Variants in AMBRA1 observed in about 807,000 individuals in gnomAD.
AMBRA1 encodes the protein autophagy and beclin 1 regulator 1, also known as activating molecule in BECN1-regulated autophagy protein 1.
Under a neutral mutation model 125.4 loss-of-function variants are expected in AMBRA1, and 47 were observed. The observed-to-expected ratio is 0.37, with a 90% CI of 0.30 to 0.48. The LOEUF is 0.48. AMBRA1 is among the 20% of genes least tolerant of loss of function. AMBRA1 has a pLI of 0.99. For missense variants in AMBRA1, 1,331 were observed against 1,693.4 expected (o/e 0.79, Z 3.76); for synonymous variants, 626 against 655.5 (o/e 0.95, Z 0.69).
At chr11:46,580,442 A>C (rs2044130366) in intron 1 of AMBRA1, among the ~76,000 whole-genome samples, 1 of 152,166 alleles carries the variant, frequency 6.6e-6, no homozygotes, top group African/African-American at 2.4e-5. Flanking sequence ...AATTAGCATG[A>C]CTAAAACTGA....
intron 1 of AMBRA1, among the ~76,000 whole-genome samples, chr11:46,581,797 CAAAAAA>C (rs1162857231): frequency 5.9e-4 from 41 of 69,958 alleles, no homozygotes; most frequent in African/African-American, 1.8e-3. Flanking sequence ...AAAACTCCAT[CAAAAAA>C]AAAAAAAAAA....
chr11:46,399,222 C>T (rs541721653), intron 17 of AMBRA1, among the ~76,000 whole-genome samples: 2 of 152,048 alleles, frequency 1.3e-5, no homozygotes, highest in East Asian at 3.9e-4. Flanking sequence ...TACAGGTGCC[C>T]GCCACCACAC....
intron 14 of AMBRA1, among the ~76,000 whole-genome samples, chr11:46,425,307 CATTTGTGTGT>C (rs1487734184): frequency 3.1e-4 from 35 of 111,630 alleles, no homozygotes; most frequent in African/African-American, 1.1e-3. Flanking sequence ...TTGCTTGATC[CATTTGTGTGT>C]GTGTGTGTGT....
chr11:46,422,541 G>C (rs992299687), intron 14 of AMBRA1, among the ~76,000 whole-genome samples: 18 of 152,072 alleles, frequency 1.2e-4, no homozygotes, highest in Non-Finnish European at 2.5e-4. Flanking sequence ...AAAACTAAAA[G>C]TGTCTTGTTT....
At chr11:46,555,126 C>CCA (rs2043125990) in intron 1 of AMBRA1, among the ~76,000 whole-genome samples, 1 of 152,092 alleles carries the variant, frequency 6.6e-6, no homozygotes, top group Non-Finnish European at 1.5e-5. Context: ...CATCCCATTT[C>CCA]CACACACACA....
At chr11:46,432,694 CCA>C (rs914949914) in intron 14 of AMBRA1, among the ~76,000 whole-genome samples, 16 of 152,152 alleles carry the variant, frequency 1.1e-4, no homozygotes, top group Admixed American at 1.0e-3. Context: ...AAAAAATGGA[CCA>C]ACAAGTACAT....
At chr11:46,540,034 G>C (rs927954035) in intron 7 of AMBRA1, among the ~76,000 whole-genome samples, 2 of 152,150 alleles carry the variant, frequency 1.3e-5, no homozygotes, top group Admixed American at 6.5e-5. Context: ...GATTTACCAT[G>C]TTGGCCAGGC....
At chr11:46,545,973 T>C in intron 4 of AMBRA1, 197 bp from the exon 5 acceptor site, 1 of 554,152 alleles carries the variant, frequency 1.8e-6, no homozygotes, top group Non-Finnish European at 3.2e-6. Context: ...TACAATCAGT[T>C]CAGTTCTTCA....
chr11:46,522,054 G>A lies in AMBRA1; in HGVS notation c.2073-9241C>T, dbSNP rs993361473. 2.0e-5 allele frequency among the ~76,000 whole-genome samples: 3 copies of A among 152,058 alleles called. No individual in the cohort carries two copies. The South Asian group carries it at 6.2e-4, about 32-fold the overall frequency. On this transcript the variant is annotated intron_variant, in intron 7 of 17. Coordinates refer to ENST00000683756, the MANE Select transcript of AMBRA1 (RefSeq NM_001387011.1). ...GAGCGATAGATGGCAAAACATGAGA[G>A]CACAACATAATCGCAGACAGCAAAA...
intron 11 of AMBRA1, among the ~76,000 whole-genome samples, chr11:46,459,552 A>G (rs1237676222): frequency 6.6e-6 from 1 of 152,100 alleles, no homozygotes; most frequent in Non-Finnish European, 1.5e-5. Context: ...CTCTACTAAA[A>G]ATACAAAAAG....
chr11:46,418,446 A>G (rs1305981051), intron 14 of AMBRA1, among the ~76,000 whole-genome samples: 2 of 150,332 alleles, frequency 1.3e-5, no homozygotes, highest in Non-Finnish European at 3.0e-5. Flanking sequence ...ACATGTGCAC[A>G]ACGTGCAGGT....
chr11:46,403,923 C>T (rs1204861525), intron 17 of AMBRA1, among the ~76,000 whole-genome samples: 1 of 152,022 alleles, frequency 6.6e-6, no homozygotes, highest in East Asian at 1.9e-4. Flanking sequence ...TGTGTGGCTG[C>T]ATGTGGCGGC....
intron 11 of AMBRA1, among the ~76,000 whole-genome samples, chr11:46,484,927 G>A (rs1445934686): frequency 8.7e-5 from 13 of 149,764 alleles, no homozygotes; most frequent in Middle Eastern, 7.2e-3. Context: ...TTACAGGTGT[G>A]AGCCACTGTG....
chr11:46,524,081 T>G (rs2135104364), intron 7 of AMBRA1, among the ~76,000 whole-genome samples: 1 of 152,322 alleles, frequency 6.6e-6, no homozygotes, highest in South Asian at 2.1e-4. Context: ...CTGGCCAGGC[T>G]GGTCTCGAAC....
chr11:46,510,297 C>T (rs1951207307), intron 8 of AMBRA1, among the ~76,000 whole-genome samples: 1 of 152,208 alleles, frequency 6.6e-6, no homozygotes, highest in African/African-American at 2.4e-5. Context: ...CCCCTGTTCC[C>T]ATGCATTTTG....
At chr11:46,513,268 CTTTTTTT>C (rs71451654) in intron 7 of AMBRA1, among the ~76,000 whole-genome samples, 3 of 122,376 alleles carry the variant, frequency 2.5e-5, no homozygotes, top group East Asian at 4.2e-4. Context: ...GCTCTTTTTT[CTTTTTTT>C]TTTTTTTGTG....
chr11:46,508,854 C>T (rs1009196901), intron 8 of AMBRA1, among the ~76,000 whole-genome samples: 4 of 152,192 alleles, frequency 2.6e-5, no homozygotes, highest in African/African-American at 9.7e-5. Context: ...AAGAAGGTAT[C>T]CACAGGTATC....
At chr11:46,549,605 A>G (rs2042927309) in intron 1 of AMBRA1, among the ~76,000 whole-genome samples, 1 of 152,138 alleles carries the variant, frequency 6.6e-6, no homozygotes, top group South Asian at 2.1e-4. Context: ...ACAATACTAT[A>G]CCAATTATCA....
intron 7 of AMBRA1, among the ~76,000 whole-genome samples, chr11:46,513,698 C>G (rs1951362937): frequency 6.6e-6 from 1 of 152,166 alleles, no homozygotes; most frequent in South Asian, 2.1e-4. Flanking sequence ...AGGCAGGAAG[C>G]AAGAGCATAT....
Sources: allele counts gnomAD v4.1 joint callset (sites outside exome capture counted in the v4.1 genomes callset), GRCh38; gene constraint gnomAD v4.1.1; transcripts MANE v1.5; gene names NCBI Gene and HGNC (gene_info 2026-07-23, HGNC 2026-07-21).